Variants in MAP3K13 observed in about 807,000 individuals in gnomAD.
The protein encoded by MAP3K13 is leucine zipper-bearing kinase.
Under a neutral mutation model 104.0 loss-of-function variants are expected in MAP3K13, and 52 were observed. That is an observed-to-expected ratio of 0.50 (90% CI 0.40 to 0.63). MAP3K13 has a LOEUF of 0.63. MAP3K13 is among the 20% of genes least tolerant of loss of function. The pLI, the probability that MAP3K13 is intolerant of heterozygous loss-of-function variation, is 0.00. For synonymous variants in MAP3K13, 394 were observed against 442.2 expected, an observed-to-expected ratio of 0.89 and a Z score of 1.37; for missense variants, 914 against 1,218.5, an observed-to-expected ratio of 0.75 and a Z score of 3.72.
chr3:185,392,944 C>T (rs1270399348), intron 1 of MAP3K13, among the ~76,000 whole-genome samples: 2 of 151,898 alleles, frequency 1.3e-5, no homozygotes, highest in South Asian at 2.1e-4. Flanking sequence ...CCTAGCTACT[C>T]GGGAGGCTGA....
At chr3:185,361,625 C>G (rs745966587), upstream of MAP3K13, among the ~76,000 whole-genome samples, 2 of 152,130 alleles carry the variant, frequency 1.3e-5, no homozygotes, top group African/African-American at 4.8e-5. Context: ...AGGATGGTCT[C>G]GATCCCTGAC....
intron 1 of MAP3K13, among the ~76,000 whole-genome samples, chr3:185,428,277 C>G (rs1714543093): frequency 1.3e-5 from 2 of 151,874 alleles, no homozygotes; most frequent in African/African-American, 4.8e-5. Context: ...ATATATTGTT[C>G]TAACCTGTTT....
rs1383865080 is a variant in MAP3K13, at chr3:185,469,071, CAGCTGA to C, written c.1643+2109_1643+2114del. 3.9e-5 allele frequency among the ~76,000 whole-genome samples: 6 copies of C among 152,320 alleles called. No individual in the cohort carries two copies. The East Asian group carries it at 1.2e-3, about 29-fold the overall frequency. On this transcript the variant is annotated intron_variant, in intron 10 of 13. Coordinates refer to ENST00000265026, the MANE Select transcript of MAP3K13 (RefSeq NM_004721.5). ...GGCAACCTGCAAAGAGCTGTACTGT[CAGCTGA>C]TTGTCCCTTGAAGGACTTCCGTTTC...
At chr3:185,374,883 T>C (rs1313588631) in intron 1 of MAP3K13, among the ~76,000 whole-genome samples, 2 of 151,992 alleles carry the variant, frequency 1.3e-5, no homozygotes, top group Non-Finnish European at 1.5e-5. Context: ...GTGGTGGAGA[T>C]AGCTGGAGAG....
intron 2 of MAP3K13, among the ~76,000 whole-genome samples, chr3:185,309,173 AG>A (rs1240187915): frequency 1.3e-5 from 2 of 152,140 alleles, no homozygotes; most frequent in Non-Finnish European, 2.9e-5. Context: ...CTTATCTTTT[AG>A]GGGTACATAA....
chr3:185,431,114 G>T (rs1306160909), intron 2 of MAP3K13, among the ~76,000 whole-genome samples: 2 of 152,126 alleles, frequency 1.3e-5, no homozygotes, highest in African/African-American at 2.4e-5. Context: ...AACAGCAAGG[G>T]GGAGATCCGC....
chr3:185,454,974 T>TATG (rs1553808379), intron 7 of MAP3K13, among the ~76,000 whole-genome samples: 1 of 60,566 alleles, frequency 1.7e-5, no homozygotes, highest in African/African-American at 4.5e-5. Flanking sequence ...GAGATATATA[T>TATG]ATGATATATA....
At chr3:185,325,152 A>G (rs2108699701) in intron 2 of MAP3K13, among the ~76,000 whole-genome samples, 1 of 152,344 alleles carries the variant, frequency 6.6e-6, no homozygotes, top group African/African-American at 2.4e-5. Flanking sequence ...GTTACTTACT[A>G]TGACAGAGGA....
chr3:185,289,923 C>A (rs1046739380), intron 2 of MAP3K13, among the ~76,000 whole-genome samples: 1 of 152,118 alleles, frequency 6.6e-6, no homozygotes. Context: ...GTGGAAAGAG[C>A]GCAAACTCTA....
chr3:185,287,695 G>C (rs1045221930), intron 2 of MAP3K13, among the ~76,000 whole-genome samples: 1 of 152,140 alleles, frequency 6.6e-6, no homozygotes, highest in Non-Finnish European at 1.5e-5. Flanking sequence ...CTTATTGTGT[G>C]TCTGTTAAAA....
intron 2 of MAP3K13, among the ~76,000 whole-genome samples, chr3:185,322,304 G>C (rs1721899081): frequency 6.6e-6 from 1 of 152,212 alleles, no homozygotes; most frequent in Non-Finnish European, 1.5e-5. Context: ...CACTGAAAGT[G>C]AAAGAAGTTT....
At chr3:185,429,658 A>G (rs1714634740) in intron 2 of MAP3K13, among the ~76,000 whole-genome samples, 1 of 152,122 alleles carries the variant, frequency 6.6e-6, no homozygotes, top group African/African-American at 2.4e-5. Context: ...TAAATTTTAA[A>G]AAGTTTACTG....
chr3:185,353,784 A>G (rs1422136186), intron 2 of MAP3K13, among the ~76,000 whole-genome samples: 1 of 152,212 alleles, frequency 6.6e-6, no homozygotes, highest in East Asian at 1.9e-4. Context: ...CCAGTTTTAC[A>G]TTTGATATGG....
Position 185,451,389 on chromosome 3 carries a change from G to C in MAP3K13, c.1272G>C (p.Lys424Asn), listed in dbSNP as rs1715872536. Residue 424 changes from lysine to asparagine, a missense_variant, in exon 7 of 14, where the codon AAG becomes AAC. Physicochemically the swap from Lys to Asn is moderately conservative, Grantham distance 94 (BLOSUM62 0). Around this residue, in one of 3 missense-constraint regions of MAP3K13, gnomAD observed 583 missense variants for 737.4 expected, o/e 0.79. Transcript: ENST00000265026. Reference protein sequence around the residue: ...VLATPQETYFKSQAEWREEVK... With the variant: ...VLATPQETYFNSQAEWREEVK... Reference sequence around the variant, plus strand: ...CCACCCCACAAGAAACTTACTTCAAGTCTCAGGTAAGTTGGGAAACTTCCT... The same window carrying C: ...CCACCCCACAAGAAACTTACTTCAACTCTCAGGTAAGTTGGGAAACTTCCT... 2 of 1,610,072 alleles carry C rather than the reference G, an allele frequency of 1.2e-6. No individual in the cohort carries two copies. Among genetic ancestry groups the C allele is most frequent in the Non-Finnish European group, 8.5e-7 (1 of 1,176,352 alleles).
chr3:185,458,323 G>A (rs1395455731), intron 7 of MAP3K13, among the ~76,000 whole-genome samples: 3 of 146,734 alleles, frequency 2.0e-5, no homozygotes, highest in African/African-American at 2.5e-5. Context: ...AGCCAAGATC[G>A]AGCCACTGCA....
chr3:185,452,873 G>A (rs549754451), intron 7 of MAP3K13, among the ~76,000 whole-genome samples: 2 of 152,276 alleles, frequency 1.3e-5, no homozygotes, highest in Non-Finnish European at 2.9e-5. Flanking sequence ...TTCCAGGCCT[G>A]TGCTGCATTA....
Position 185,418,096 on chromosome 3 carries a change from GT to G in MAP3K13, c.-85-10400del. 6.2e-7 allele frequency: 1 copy of G among 1,611,544 alleles called. No homozygotes were observed. Among genetic ancestry groups the G allele is most frequent in the South Asian group, 1.1e-5 (1 of 90,982 alleles). ...GTTCAGCTTGCTTACATTAAGCAGA[GT>G]AATTCCAGGGATGTTTCTGAAGGCC... On this transcript the variant is annotated intron_variant, in intron 1 of 13. Coordinates refer to ENST00000265026, the MANE Select transcript of MAP3K13 (RefSeq NM_004721.5). The surrounding 1 kb of genome is among the most constrained non-coding windows in gnomAD (Gnocchi z 4.5).
rs1713944566 is a variant in MAP3K13, at chr3:185,418,643, T to C, written c.-85-9854T>C. 6.2e-7 allele frequency: 1 copy of C among 1,611,904 alleles called. No homozygotes were observed. Among genetic ancestry groups the C allele is most frequent in the Non-Finnish European group, 8.5e-7 (1 of 1,179,272 alleles). The stretch of plus-strand genomic sequence containing the variant: ...GCAGCGTAGGGCTGTCTGTTGTTTT[T>C]GCGCAAGTTGGTGTGAACAAAGTTC... On this transcript the variant is annotated intron_variant, in intron 1 of 13. Coordinates refer to ENST00000265026, the MANE Select transcript of MAP3K13 (RefSeq NM_004721.5). This position sits in a 1 kb window ranked among gnomAD's most constrained non-coding sequence, Gnocchi z 4.5.
chr3:185,319,329 G>T (rs906071398), intron 2 of MAP3K13, among the ~76,000 whole-genome samples: 1 of 152,174 alleles, frequency 6.6e-6, no homozygotes, highest in Non-Finnish European at 1.5e-5. Context: ...TCCTGTGTTT[G>T]TATCTACCGC....
Sources: allele counts gnomAD v4.1 joint callset (sites outside exome capture counted in the v4.1 genomes callset), GRCh38; gene constraint gnomAD v4.1.1; regional missense constraint gnomAD v4.1.1; non-coding constraint Gnocchi (gnomAD v3.1); transcripts MANE v1.5; gene names NCBI Gene and HGNC (gene_info 2026-07-23, HGNC 2026-07-21).